Variants in DLGAP1 observed in about 807,000 individuals in gnomAD.
DLGAP1 encodes disks large-associated protein 1.
Under a neutral mutation model 90.8 loss-of-function variants are expected in DLGAP1, and 11 were observed. The observed-to-expected ratio is 0.12, with a 90% confidence interval of 0.08 to 0.20. DLGAP1 has a LOEUF of 0.20. Ranked by LOEUF, DLGAP1 falls within the 10% of genes least tolerant of loss-of-function variation. DLGAP1 has a pLI of 1.00. For synonymous variants in DLGAP1, 558 were observed against 540.7 expected (o/e 1.03, Z -0.44); for missense variants, 1,050 against 1,333.8 (o/e 0.79, Z 3.31).
chr18:4,434,478 C>T (rs116784933), intron 1 of DLGAP1, among the ~76,000 whole-genome samples: 4 of 152,302 alleles, frequency 2.6e-5, no homozygotes, highest in South Asian at 2.1e-4. Flanking sequence ...ACAGCCTGCA[C>T]GTTACTCTCT....
intron 1 of DLGAP1, among the ~76,000 whole-genome samples, chr18:4,222,031 TTGAG>T (rs1332391378): frequency 6.6e-5 from 10 of 152,172 alleles, no homozygotes; most frequent in African/African-American, 2.4e-4. Flanking sequence ...CCCCATTTCC[TTGAG>T]TATTAAATAT....
chr18:3,919,920 C>T (rs764199289), intron 3 of DLGAP1, among the ~76,000 whole-genome samples: 8 of 152,102 alleles, frequency 5.3e-5, no homozygotes, highest in South Asian at 4.1e-4. Flanking sequence ...GAAACAGAGG[C>T]GCAGTTAGAT....
intron 2 of DLGAP1, among the ~76,000 whole-genome samples, chr18:4,080,129 G>C (rs1287388473): frequency 6.6e-6 from 1 of 152,048 alleles, no homozygotes; most frequent in Non-Finnish European, 1.5e-5. Context: ...TGAAGTGAGG[G>C]AAGGAACAAC....
At chr18:4,186,455 T>C (rs2077297440) in intron 1 of DLGAP1, among the ~76,000 whole-genome samples, 1 of 152,124 alleles carries the variant, frequency 6.6e-6, no homozygotes, top group Admixed American at 6.6e-5. Flanking sequence ...TTTTTGTACA[T>C]GGTGTGAGGA....
intron 1 of DLGAP1, among the ~76,000 whole-genome samples, chr18:4,234,200 G>A (rs747844267): frequency 2.7e-5 from 4 of 150,916 alleles, no homozygotes; most frequent in Non-Finnish European, 5.9e-5. Flanking sequence ...AGAACATCTT[G>A]ACAAAGTACT....
At chr18:4,159,405 T>C (rs1331107331) in intron 1 of DLGAP1, among the ~76,000 whole-genome samples, 2 of 152,192 alleles carry the variant, frequency 1.3e-5, no homozygotes, top group Admixed American at 1.3e-4. Flanking sequence ...CTCCGGCTTT[T>C]GAATCATTGT....
At chr18:3,684,658 C>T (rs1392101700) in intron 7 of DLGAP1, among the ~76,000 whole-genome samples, 3 of 152,102 alleles carry the variant, frequency 2.0e-5, no homozygotes, top group Admixed American at 6.6e-5. Context: ...GAAAAGACAA[C>T]GGGGTTGGGG....
intron 1 of DLGAP1, among the ~76,000 whole-genome samples, chr18:4,298,364 G>C (rs1238434136): frequency 1.3e-5 from 2 of 152,132 alleles, no homozygotes; most frequent in African/African-American, 4.8e-5. Context: ...ATTAACATCA[G>C]AAGTTCTCAA....
At chr18:3,979,220 T>G (rs1428515605) in intron 3 of DLGAP1, among the ~76,000 whole-genome samples, 2 of 143,026 alleles carry the variant, frequency 1.4e-5, no homozygotes, top group Non-Finnish European at 3.1e-5. Context: ...CCCATAAGAC[T>G]ATAGAGCCCT....
intron 1 of DLGAP1, among the ~76,000 whole-genome samples, chr18:4,235,496 C>G (rs957561200): frequency 9.2e-5 from 14 of 152,060 alleles, no homozygotes; most frequent in Non-Finnish European, 1.6e-4. Context: ...ATTATCTAAG[C>G]TTTGTTTGAA....
At chr18:3,590,648 A>T (rs949096611) in intron 7 of DLGAP1, among the ~76,000 whole-genome samples, 7 of 152,222 alleles carry the variant, frequency 4.6e-5, no homozygotes, top group African/African-American at 1.7e-4. Flanking sequence ...TGGGGTCAGG[A>T]GTTTGAGACC....
At chr18:4,096,508 G>T (rs1031365836) in intron 2 of DLGAP1, among the ~76,000 whole-genome samples, 1 of 151,670 alleles carries the variant, frequency 6.6e-6, no homozygotes, top group Non-Finnish European at 1.5e-5. Context: ...TTTGCTTAAG[G>T]TACTTTTTGC....
At chr18:3,563,123 G>A (rs955789606) in intron 9 of DLGAP1, among the ~76,000 whole-genome samples, 2 of 152,008 alleles carry the variant, frequency 1.3e-5, no homozygotes, top group African/African-American at 2.4e-5. Flanking sequence ...CACTGAACCC[G>A]GCCTAGTTCT....
At chr18:3,980,436 A>C (rs2073702896) in intron 3 of DLGAP1, among the ~76,000 whole-genome samples, 1 of 152,216 alleles carries the variant, frequency 6.6e-6, no homozygotes, top group Non-Finnish European at 1.5e-5. Context: ...TGCTTACGGC[A>C]TTATAATAAT....
chr18:3,593,629 G>A (rs1322199355), intron 7 of DLGAP1: 1 of 152,190 alleles, frequency 6.6e-6, no homozygotes, highest in East Asian at 1.9e-4. Flanking sequence ...GGAGGGTAGT[G>A]TAATAATTCC....
At chr18:3,965,513 G>C (rs1203147275) in intron 3 of DLGAP1, among the ~76,000 whole-genome samples, 1 of 152,154 alleles carries the variant, frequency 6.6e-6, no homozygotes, top group Non-Finnish European at 1.5e-5. Flanking sequence ...CTAGATACTG[G>C]AGTAGGTTGT....
chr18:3,552,014 C>T (rs771145932), intron 9 of DLGAP1, among the ~76,000 whole-genome samples: 37 of 150,462 alleles, frequency 2.5e-4, no homozygotes, highest in Admixed American at 1.6e-3. Context: ...CACTATGTTG[C>T]CTAGACTGGT....
At chr18:4,056,152 A>C (rs2075213436) in intron 2 of DLGAP1, among the ~76,000 whole-genome samples, 1 of 152,178 alleles carries the variant, frequency 6.6e-6, no homozygotes, top group Non-Finnish European at 1.5e-5. Flanking sequence ...GGAAGGGGGC[A>C]GGAGAAGGCC....
chr18:4,089,114 C>CA (rs1339471058), intron 2 of DLGAP1, among the ~76,000 whole-genome samples: 1 of 152,126 alleles, frequency 6.6e-6, no homozygotes, highest in African/African-American at 2.4e-5. Context: ...TCTCAGGATA[C>CA]AAAATCAATG....
Sources: gnomAD v4.1 joint callset for allele counts (sites outside exome capture counted in the v4.1 genomes callset) on GRCh38, gnomAD v4.1.1 for gene constraint, MANE v1.5 for transcripts, NCBI Gene and HGNC (gene_info 2026-07-23, HGNC 2026-07-21) for gene names.